The following PKHD1 variants were observed in gnomAD, a reference collection of about 807,000 sequenced individuals.
The protein encoded by PKHD1 is PKHD1 ciliary IPT domain containing fibrocystin/polyductin.
In PKHD1, 291 loss-of-function variants were observed where a neutral mutation model predicts 412.0. That is an observed-to-expected ratio of 0.71 (90% CI 0.64 to 0.78). The LOEUF is 0.78. Among genes scored for constraint, PKHD1 ranks in the 30% least tolerant of loss-of-function variants. The probability of loss-of-function intolerance (pLI) is 0.00; values close to 1 mark genes in which losing one functional copy is unlikely to be tolerated. For synonymous variants in PKHD1, 1,777 were observed against 1,821.5 expected (o/e 0.98, Z 0.62); for missense variants, 4,825 against 4,950.7 (o/e 0.97, Z 0.76).
chr6:51,670,565 T>C (rs1774758884), intron 60 of PKHD1, among the ~76,000 whole-genome samples: 2 of 151,744 alleles, frequency 1.3e-5, no homozygotes, highest in South Asian at 4.2e-4. Context: ...TTAATATTGT[T>C]ATGTGTGAAT....
intron 37 of PKHD1, among the ~76,000 whole-genome samples, chr6:51,923,571 A>C (rs192626932): frequency 1.3e-5 from 2 of 152,262 alleles, no homozygotes; most frequent in African/African-American, 4.8e-5. Context: ...ATTTTTATAT[A>C]GTCTTTGTAC....
At chr6:51,995,054 C>T (rs1042535946) in intron 35 of PKHD1, among the ~76,000 whole-genome samples, 1 of 152,172 alleles carries the variant, frequency 6.6e-6, no homozygotes, top group South Asian at 2.1e-4. Context: ...GGTCACCCTG[C>T]GTTTCTTTGT....
At chr6:51,966,691 T>C (rs1467679523) in intron 35 of PKHD1, among the ~76,000 whole-genome samples, 2 of 152,136 alleles carry the variant, frequency 1.3e-5, no homozygotes, top group African/African-American at 2.4e-5. Flanking sequence ...CTTCAACAAA[T>C]GTTTATTGAG....
In PKHD1 at chr6:51,659,928, T is replaced by A. The variant is rs749519395; in HGVS notation, c.10198A>T (p.Met3400Leu). The A allele has an allele frequency of 6.2e-7, 1 of 1,612,226 alleles. No homozygotes were observed. The highest frequency in any genetic ancestry group is 8.5e-7 in the Non-Finnish European group (1 of 1,178,572). The change falls in exon 61 of 67, where the codon ATG becomes TTG. Residue 3400 changes from methionine to leucine, a missense_variant. Transcript: ENST00000371117. ...GTCTGTTTGCAGATGAATCCTTGCATCAGAAATTGGTATGTACATTTCTGT... is the reference window on the plus strand; with the variant it reads ...GTCTGTTTGCAGATGAATCCTTGCAACAGAAATTGGTATGTACATTTCTGT... ...EEQKCTYQFLMQGFICKQTDQ... is the reference protein window; with the variant it reads ...EEQKCTYQFLLQGFICKQTDQ...
chr6:51,750,730 A>G (rs566105092), intron 57 of PKHD1, among the ~76,000 whole-genome samples: 12 of 152,278 alleles, frequency 7.9e-5, no homozygotes, highest in African/African-American at 2.9e-4. Flanking sequence ...ATGACTGAAA[A>G]TTAATCAATT....
chr6:51,674,031 T>C (rs914316134), intron 60 of PKHD1, among the ~76,000 whole-genome samples: 5 of 152,128 alleles, frequency 3.3e-5, no homozygotes, highest in African/African-American at 1.2e-4. Flanking sequence ...GGTAGACATG[T>C]AGGTAGTGAC....
chr6:51,842,906 G>C (rs903117229), intron 50 of PKHD1, among the ~76,000 whole-genome samples: 39 of 152,304 alleles, frequency 2.6e-4, no homozygotes, highest in African/African-American at 8.9e-4. Context: ...TGACATACCA[G>C]ACCTTTTGCA....
At chr6:51,997,065 A>C (rs1797800263) in intron 35 of PKHD1, among the ~76,000 whole-genome samples, 1 of 152,198 alleles carries the variant, frequency 6.6e-6, no homozygotes, top group Non-Finnish European at 1.5e-5. Flanking sequence ...AGTCATGAAG[A>C]CATATTTGTT....
At chr6:51,670,874 C>T (rs942781623) in intron 60 of PKHD1, among the ~76,000 whole-genome samples, 14 of 151,628 alleles carry the variant, frequency 9.2e-5, no homozygotes, top group African/African-American at 3.4e-4. Flanking sequence ...TGAATATTGG[C>T]CCCCACTCTC....
At chr6:51,950,463 G>C (rs1009781936) in intron 36 of PKHD1, among the ~76,000 whole-genome samples, 4 of 151,938 alleles carry the variant, frequency 2.6e-5, no homozygotes, top group African/African-American at 9.7e-5. Context: ...TTGGCTTCTG[G>C]TCCTCACAAT....
chr6:51,903,490 A>G, intron 43 of PKHD1, 107 bp downstream of exon 43: 1 of 901,836 alleles, frequency 1.1e-6, no homozygotes, highest in Non-Finnish European at 1.8e-6. Context: ...AATGGCAATT[A>G]TTCTTCCAAT....
At position 51,882,337 on chromosome 6, in the gene PKHD1, G is replaced by C. The variant is rs1316584312; in HGVS notation, c.7350+756C>G. Among the ~76,000 whole-genome samples the C allele has an allele frequency of 2.0e-5, 3 of 152,180 alleles. No homozygotes were observed. In the East Asian group the frequency reaches 5.8e-4, roughly 29 times the overall value. ...TAAGAAAAGTTGAGAGTTAAATCCA[G>C]GAAAATGTAGCTCAATAAGAAAATG... On this transcript the variant is annotated intron_variant, in intron 46 of 66. Transcript: ENST00000371117.
intron 46 of PKHD1, 45 bp from the exon 47 acceptor site, chr6:51,870,684 G>A (rs750357333): frequency 8.1e-6 from 12 of 1,480,146 alleles, no homozygotes; most frequent in South Asian, 8.0e-5. Flanking sequence ...TAAGAAAACT[G>A]GACACATGAA....
In PKHD1 at chr6:52,085,135, A is replaced by C. The variant is rs1019910306; in HGVS notation, c.-84-118T>G. 7.3e-6 allele frequency: 4 copies of C among 545,912 alleles called. No individual in the cohort carries two copies. In the African/African-American group the frequency reaches 7.6e-5, roughly 10 times the overall value. The allele number at this position is 545,912 out of a possible 1,614,324, so 33.8% of individuals were successfully genotyped here. ...GATAAACATGGCCTTAGTGTCTTCA[A>C]ATGGAGCCACCATTTTTCCAAGCTC... On this transcript the variant is annotated intron_variant, in intron 1 of 66. Transcript: ENST00000371117.
intron 52 of PKHD1, among the ~76,000 whole-genome samples, chr6:51,796,400 T>C (rs956988006): frequency 6.6e-6 from 1 of 151,074 alleles, no homozygotes; most frequent in East Asian, 2.0e-4. Flanking sequence ...CTCTTTCTTC[T>C]TTATTAATCT....
intron 2 of PKHD1, among the ~76,000 whole-genome samples, chr6:52,083,931 G>A (rs1176759576): frequency 3.9e-5 from 6 of 151,916 alleles, no homozygotes; most frequent in South Asian, 2.1e-4. Flanking sequence ...GCTTAGAGAG[G>A]GGGTGAAGCA....
chr6:51,762,885 C>T (rs1788279023), intron 55 of PKHD1, among the ~76,000 whole-genome samples: 1 of 151,990 alleles, frequency 6.6e-6, no homozygotes, highest in Admixed American at 6.6e-5. Context: ...ATGTAATATG[C>T]TATCATCAGG....
intron 4 of PKHD1, among the ~76,000 whole-genome samples, chr6:52,081,026 G>C (rs1041560583): frequency 9.2e-5 from 14 of 152,060 alleles, no homozygotes; most frequent in Non-Finnish European, 1.8e-4. Context: ...TTATGATAAT[G>C]ATGAATAAGA....
At chr6:51,705,538 G>A (rs1011851817) in intron 60 of PKHD1, among the ~76,000 whole-genome samples, 1 of 152,108 alleles carries the variant, frequency 6.6e-6, no homozygotes, top group Non-Finnish European at 1.5e-5. Context: ...TAGAGACCCT[G>A]TATTAGAGCT....
Sources: gnomAD v4.1 joint callset for allele counts (sites outside exome capture counted in the v4.1 genomes callset) on GRCh38, gnomAD v4.1.1 for gene constraint, MANE v1.5 for transcripts, NCBI Gene and HGNC (gene_info 2026-07-23, HGNC 2026-07-21) for gene names.